The following SP140 variants were observed in gnomAD, a reference collection of about 807,000 sequenced individuals.
SP140 encodes SP140 nuclear body protein.
SP140 carries 81 observed loss-of-function variants against 125.0 expected under a neutral mutation model. The ratio of observed to expected loss-of-function variants is 0.65; its 90% confidence interval spans 0.54 to 0.78. The LOEUF (loss-of-function observed/expected upper bound fraction) is 0.78. SP140 is among the 30% of genes least tolerant of loss of function. The pLI is 0.00. For missense variants in SP140, 858 were observed against 1,037.0 expected (o/e 0.83, Z 2.37); for synonymous variants, 312 against 354.0 (o/e 0.88, Z 1.33).
the SP140 span, among the ~76,000 whole-genome samples, chr2:230,194,846 G>A: frequency 6.6e-6 from 1 of 152,170 alleles, no homozygotes; most frequent in Non-Finnish European, 1.5e-5. Flanking sequence ...TAAGAGAAAA[G>A]AAGACTAGGT....
chr2:230,237,682 A>G lies in SP140; in HGVS notation c.237+422A>G, dbSNP rs1248645137. 2 of 163,632 alleles carry G rather than the reference A, an allele frequency of 1.2e-5. No homozygotes were observed. The highest frequency in any genetic ancestry group is 1.3e-4 in the Admixed American group (2 of 15,662). The allele number at this position is 163,632 out of a possible 1,614,324, so 10.1% of individuals were successfully genotyped here. A position where few individuals can be genotyped will look rare whatever the true frequency, so the allele number is the denominator to read the frequency against. ...TTACATTTGGAAGTGGATGCTTGCT[A>G]CTGTCTCTCCAAATCATTGTTTGAT... On this transcript the variant is annotated intron_variant, in intron 2 of 26. Transcript: ENST00000392045. This position sits in a 1 kb window ranked among gnomAD's most constrained non-coding sequence, Gnocchi z 5.4.
intron 21 of SP140, among the ~76,000 whole-genome samples, 192 bp downstream of exon 21, chr2:230,294,510 G>T (rs890543759): frequency 2.0e-5 from 3 of 152,140 alleles, no homozygotes; most frequent in Admixed American, 2.0e-4. Context: ...TATAAAGCTA[G>T]GTCCTGTTTG....
intron 15 of SP140, among the ~76,000 whole-genome samples, chr2:230,276,646 AAC>A (rs139322451): frequency 0.079 from 12,075 of 152,244 alleles, 665 homozygotes; most frequent in South Asian, 0.19. Flanking sequence ...ATATTTAAGA[AAC>A]ACATGTTGTA....
At chr2:230,296,225 A>C (rs1308274768) in intron 21 of SP140, among the ~76,000 whole-genome samples, 2 of 152,224 alleles carry the variant, frequency 1.3e-5, no homozygotes, top group African/African-American at 2.4e-5. Context: ...TAGGTGACTG[A>C]GTGAGACTCT....
At chr2:230,187,384 G>C in the SP140 span, among the ~76,000 whole-genome samples, 1 of 152,012 alleles carries the variant, frequency 6.6e-6, no homozygotes, top group Non-Finnish European at 1.5e-5. Flanking sequence ...GTAGACGCTG[G>C]ATATTAATTC....
intron 15 of SP140, among the ~76,000 whole-genome samples, chr2:230,274,928 A>G (rs923017306): frequency 6.6e-6 from 1 of 152,166 alleles, no homozygotes; most frequent in Non-Finnish European, 1.5e-5. Context: ...CATGCACTGG[A>G]TATTATAAAC....
intron 22 of SP140, among the ~76,000 whole-genome samples, chr2:230,298,526 T>A (rs959294597): frequency 1.6e-4 from 24 of 152,206 alleles, no homozygotes; most frequent in African/African-American, 5.8e-4. Flanking sequence ...TGATTTTGGA[T>A]GGACTAGGCA....
At chr2:230,301,775 C>T (rs894160274) in intron 22 of SP140, among the ~76,000 whole-genome samples, 1 of 152,018 alleles carries the variant, frequency 6.6e-6, no homozygotes, top group Non-Finnish European at 1.5e-5. Flanking sequence ...TAGAATAGTA[C>T]CTCACATCTC....
intron 15 of SP140, among the ~76,000 whole-genome samples, chr2:230,283,421 T>C (rs2055897282): frequency 2.0e-5 from 3 of 152,212 alleles, no homozygotes; most frequent in African/African-American, 4.8e-5. Context: ...AAAATGTGCC[T>C]GGAGTTAAAT....
intron 3 of SP140, among the ~76,000 whole-genome samples, chr2:230,219,030 G>T (rs1480059311): frequency 6.6e-6 from 1 of 152,154 alleles, no homozygotes; most frequent in Admixed American, 6.5e-5. Context: ...TTCGAGACCA[G>T]CCTGGCCAAC....
At chr2:230,214,661 C>A (rs538334735) in intron 3 of SP140, among the ~76,000 whole-genome samples, 59 of 152,320 alleles carry the variant, frequency 3.9e-4, no homozygotes, top group African/African-American at 1.4e-3. Flanking sequence ...ATTTCTGTCA[C>A]CTTATGCATT....
intron 4 of SP140, among the ~76,000 whole-genome samples, chr2:230,241,893 T>C (rs2149140675): frequency 6.6e-6 from 1 of 152,306 alleles, no homozygotes; most frequent in African/African-American, 2.4e-5. Flanking sequence ...CATATCAGAT[T>C]CAGGTGAGAG....
chr2:230,308,390 A>C (rs1043773512), intron 22 of SP140, among the ~76,000 whole-genome samples: 9 of 152,244 alleles, frequency 5.9e-5, no homozygotes, highest in African/African-American at 2.2e-4. Flanking sequence ...TATTGAAATA[A>C]TAATTTTTTA....
intron 12 of SP140, among the ~76,000 whole-genome samples, chr2:230,263,295 T>C (rs1207848234): frequency 1.3e-5 from 2 of 152,310 alleles, no homozygotes; most frequent in Non-Finnish European, 2.9e-5. Context: ...TTGCTTTTGG[T>C]GTCCTTTTGC....
chr2:230,200,900 G>A (rs199713399), upstream of SP140: 22 of 1,612,646 alleles, frequency 1.4e-5, no homozygotes, highest in South Asian at 2.2e-5. Flanking sequence ...GTGACCCTTC[G>A]TGGTGTACTA....
intron 1 of SP140, among the ~76,000 whole-genome samples, chr2:230,204,812 C>T (rs539400902): frequency 3.2e-4 from 49 of 152,084 alleles, no homozygotes; most frequent in East Asian, 2.5e-3. Flanking sequence ...TAAGTCAACA[C>T]GACTGATGAA....
chr2:230,241,514 C>G, intron 4 of SP140, 27 bp downstream of exon 4: 1 of 1,362,174 alleles, frequency 7.3e-7, no homozygotes, highest in Non-Finnish European at 1.1e-6. Flanking sequence ...TGATCAATGC[C>G]CTTATTAAAG....
chr2:230,316,125 G>A (rs569235052), downstream of SP140, among the ~76,000 whole-genome samples: 20 of 152,226 alleles, frequency 1.3e-4, no homozygotes, highest in African/African-American at 4.3e-4. Flanking sequence ...CATTACATTC[G>A]TCCACTGGAT....
chr2:230,257,902 G>C (rs2051508292), intron 12 of SP140, among the ~76,000 whole-genome samples: 1 of 131,044 alleles, frequency 7.6e-6, no homozygotes, highest in African/African-American at 2.9e-5. Context: ...GTGGATCTCG[G>C]TGACTGGCGG....
Sources: allele counts gnomAD v4.1 joint callset (sites outside exome capture counted in the v4.1 genomes callset), GRCh38; gene constraint gnomAD v4.1.1; non-coding constraint Gnocchi (gnomAD v3.1); transcripts MANE v1.5; gene names NCBI Gene and HGNC (gene_info 2026-07-23, HGNC 2026-07-21).